Variants in PFKFB3 observed in about 807,000 individuals in gnomAD.
PFKFB3 encodes 6-phosphofructo-2-kinase/fructose-2,6-biphosphatase 3, also known as 6-phosphofructo-2-kinase/fructose-2,6-bisphosphatase 3.
A neutral mutation model predicts 68.0 loss-of-function variants in PFKFB3; 33 were observed. That is an observed-to-expected ratio of 0.49 (90% CI 0.37 to 0.65). PFKFB3 has a LOEUF of 0.65. Among genes scored for constraint, PFKFB3 ranks in the 30% least tolerant of loss-of-function variants. The pLI is 0.00. For missense variants in PFKFB3, 586 were observed against 712.2 expected (o/e 0.82, Z 2.02); for synonymous variants, 315 against 288.2 (o/e 1.09, Z -0.94).
At chr10:6,217,499 G>A (rs1844664362) in intron 6 of PFKFB3, among the ~76,000 whole-genome samples, 1 of 152,238 alleles carries the variant, frequency 6.6e-6, no homozygotes, top group Non-Finnish European at 1.5e-5. Flanking sequence ...TGATGGAGCT[G>A]CTGGGGCAGA....
At chr10:6,258,350 T>C (rs1401894765), downstream of PFKFB3, among the ~76,000 whole-genome samples, 1 of 152,106 alleles carries the variant, frequency 6.6e-6, no homozygotes, top group Non-Finnish European at 1.5e-5. Context: ...ATGTCTTGCT[T>C]TATAACAGGA....
the PFKFB3 span, among the ~76,000 whole-genome samples, chr10:6,282,678 G>A: frequency 3.3e-5 from 5 of 152,078 alleles, no homozygotes; most frequent in Admixed American, 1.3e-4. Flanking sequence ...AAGAAGGTGC[G>A]AATAAGGGGG....
At chr10:6,198,992 T>C (rs771402519), upstream of PFKFB3, among the ~76,000 whole-genome samples, 12 of 152,382 alleles carry the variant, frequency 7.9e-5, no homozygotes, top group South Asian at 4.1e-4. Context: ...ATTGTGTGGA[T>C]AGTCTCAGTC....
intron 14 of PFKFB3, among the ~76,000 whole-genome samples, chr10:6,232,216 T>C (rs1227911946): frequency 6.8e-6 from 1 of 145,992 alleles, no homozygotes; most frequent in Non-Finnish European, 1.5e-5. Flanking sequence ...GTCAGTTGTG[T>C]TCCTCGCTGA....
chr10:6,198,204 C>G (rs962171621), upstream of PFKFB3, among the ~76,000 whole-genome samples: 3 of 147,086 alleles, frequency 2.0e-5, no homozygotes, highest in African/African-American at 7.5e-5. Context: ...CGAGATGGTA[C>G]CACTGCACTC....
In PFKFB3 at chr10:6,221,539, G is replaced by A. The variant is rs759610764; in HGVS notation, c.978+12G>A. 4 of 1,612,744 alleles carry A rather than the reference G, an allele frequency of 2.5e-6. No individual in the cohort carries two copies. The highest frequency in any genetic ancestry group is 1.7e-5 in the Admixed American group (1 of 59,968). Reference sequence around the variant, plus strand: ...ATGAGATCGACGCGGTGAGTCCTGGGAGGCGGGCAGGCAGCCTCACCCTCG... The same window carrying A: ...ATGAGATCGACGCGGTGAGTCCTGGAAGGCGGGCAGGCAGCCTCACCCTCG... On this transcript the variant is annotated intron_variant, in intron 9 of 14. Coordinates refer to ENST00000379775, the MANE Select transcript of PFKFB3 (RefSeq NM_004566.4).
rs1191321541 is a variant in PFKFB3 at position 6,219,595 on chromosome 10, C to A, written c.525C>A (p.Tyr175Ter). Residue 175 changes from tyrosine to a stop codon, truncating the protein, a stop_gained, in exon 7 of 15, where the codon TAC (tyrosine) becomes TAA (stop). Transcript: ENST00000379775. LOFTEE classifies it high-confidence loss of function. ...AAGTTAAAATCTCCAGCCCGGATTA[C>A]AAAGACTGCAACTCGGCAGAAGCCA... ...IMEVKISSPD[Y>*]KDCNSAEAMD... 1 of 1,613,902 alleles carries A rather than the reference C, an allele frequency of 6.2e-7. No homozygotes were observed. The highest frequency in any genetic ancestry group is 8.5e-7 in the Non-Finnish European group (1 of 1,179,922).
the PFKFB3 span, among the ~76,000 whole-genome samples, chr10:6,280,443 A>C: frequency 6.6e-6 from 1 of 152,070 alleles, no homozygotes; most frequent in Admixed American, 6.6e-5. Context: ...GGGAGGAAGT[A>C]GGACGGGCCA....
At chr10:6,231,823 G>A (rs1845765353) in intron 14 of PFKFB3, among the ~76,000 whole-genome samples, 2 of 151,068 alleles carry the variant, frequency 1.3e-5, no homozygotes, top group Admixed American at 1.3e-4. Context: ...ACCTCCTGGT[G>A]GGCACTCATC....
In PFKFB3 at chr10:6,233,760, G is replaced by C. The variant is rs898955212; in HGVS notation, c.*818G>C. Reference sequence around the variant, plus strand: ...GAGCTGCTGGCTTTTGCACTTTTTTGATGGCAGAAGTGTGACCTGAGAGTC... The same window carrying C: ...GAGCTGCTGGCTTTTGCACTTTTTTCATGGCAGAAGTGTGACCTGAGAGTC... On this transcript the variant is annotated 3_prime_UTR_variant, in exon 15 of 15. Transcript: ENST00000379775. 4 of 152,900 alleles carry C rather than the reference G, an allele frequency of 2.6e-5. No homozygotes were observed. Among genetic ancestry groups the C allele is most frequent in the Non-Finnish European group, 4.4e-5 (3 of 68,102 alleles). The allele number at this position is 152,900 out of a possible 1,614,324, so 9.5% of individuals were successfully genotyped here. A position where few individuals can be genotyped will look rare whatever the true frequency, so the allele number is the denominator to read the frequency against.
At position 6,226,445 on chromosome 10, in the gene PFKFB3, GTGT is replaced by G. The variant is rs1460630801; in HGVS notation, c.1515+82_1515+84del. The G allele has an allele frequency of 2.6e-4, 371 of 1,412,646 alleles. 3 individuals are homozygous for G. The highest frequency in any genetic ancestry group is 2.0e-3 in the South Asian group (151 of 76,420). 87.5% of individuals were successfully genotyped at this position (1,412,646 alleles called of 1,614,324 possible). On this transcript the variant is annotated intron_variant, in intron 14 of 14. Transcript: ENST00000379775. ...CACAGATCTGGGATTGCGTGCGTGTGTGTTTGCAAGAATACGTGCGTGGGTGCG... is the reference window on the plus strand; with the variant it reads ...CACAGATCTGGGATTGCGTGCGTGTGTTGCAAGAATACGTGCGTGGGTGCG...
At chr10:6,308,966 C>T in the PFKFB3 span, among the ~76,000 whole-genome samples, 7 of 152,102 alleles carry the variant, frequency 4.6e-5, no homozygotes, top group Non-Finnish European at 8.8e-5. Flanking sequence ...GGGAATGTGC[C>T]AACAAGTCCA....
At chr10:6,268,106 C>T in the PFKFB3 span, among the ~76,000 whole-genome samples, 1 of 152,062 alleles carries the variant, frequency 6.6e-6, no homozygotes, top group South Asian at 2.1e-4. Context: ...TGTCTCCCCT[C>T]CCCCACGCCA....
chr10:6,221,722 T>C lies in PFKFB3; in HGVS notation c.1060T>C (p.Tyr354His), dbSNP rs745733849. 2 of 1,604,586 alleles carry C rather than the reference T, an allele frequency of 1.2e-6. No homozygotes were observed. The highest frequency in any genetic ancestry group is 2.2e-5 in the East Asian group (1 of 44,572). Residue 354 changes from tyrosine (Y) to histidine (H), a missense_variant, in exon 10 of 15, where the codon TAT becomes CAT. By Grantham distance (83) the Tyr-to-His change is moderately conservative. Coordinates refer to ENST00000379775, the MANE Select transcript of PFKFB3 (RefSeq NM_004566.4). The stretch of plus-strand genomic sequence containing the variant: ...TGCGCTGCGGGAGCAGGACAAGTAC[T>C]ATTACCGCTACCCCACCGGGGAGGT... ...EYALREQDKY[Y>H]YRYPTGESYQ...
chr10:6,237,576 G>A (rs1846044335), downstream of PFKFB3, among the ~76,000 whole-genome samples: 1 of 152,198 alleles, frequency 6.6e-6, no homozygotes, highest in African/African-American at 2.4e-5. Context: ...GAGTTCTAAA[G>A]TTTGTTTTTT....
At chr10:6,282,719 C>G in the PFKFB3 span, among the ~76,000 whole-genome samples, 1 of 152,046 alleles carries the variant, frequency 6.6e-6, no homozygotes, top group Non-Finnish European at 1.5e-5. Flanking sequence ...CAAGAATTTA[C>G]TCAAAAGAGG....
In PFKFB3 at chr10:6,155,652, C is replaced by A. The variant is rs1588389232; in HGVS notation, c.16+10639C>A. Among the ~76,000 whole-genome samples the A allele has an allele frequency of 2.0e-5, 3 of 152,144 alleles. No homozygotes were observed. The East Asian group carries it at 5.8e-4, about 29-fold the overall frequency. On this transcript the variant is annotated intron_variant, in intron 1 of 14. Transcript: ENST00000379789. Reference sequence around the variant, plus strand: ...CTCCAGGAAGACTTCCTGGACAGACCCCACCCAGGCACCTGCTGACCGGGT... The same window carrying A: ...CTCCAGGAAGACTTCCTGGACAGACACCACCCAGGCACCTGCTGACCGGGT...
At chr10:6,225,322 G>A (rs1845268940) in intron 13 of PFKFB3, 2 of 412,314 alleles carry the variant, frequency 4.9e-6, no homozygotes, top group Non-Finnish European at 5.0e-6. Flanking sequence ...CCCAGTCGCT[G>A]GCAGTTGCCT....
intron 1 of PFKFB3, among the ~76,000 whole-genome samples, chr10:6,175,499 G>A (rs1211832180): frequency 6.6e-6 from 1 of 152,216 alleles, no homozygotes; most frequent in Non-Finnish European, 1.5e-5. Context: ...CACCGCAGGC[G>A]CCAACTAGCC....
Sources: gnomAD v4.1 joint callset for allele counts (sites outside exome capture counted in the v4.1 genomes callset) on GRCh38, gnomAD v4.1.1 for gene constraint, MANE v1.5 for transcripts, NCBI Gene and HGNC (gene_info 2026-07-23, HGNC 2026-07-21) for gene names.